DIMT1: variants seen among roughly 807,000 people sequenced by gnomAD.
DIMT1 encodes the protein DIM1 rRNA methyltransferase and ribosome maturation factor, also known as dimethyladenosine transferase.
In DIMT1, 36 loss-of-function variants were observed where a neutral mutation model predicts 43.2. The ratio of observed to expected loss-of-function variants is 0.83; its 90% CI spans 0.64 to 1.10. The LOEUF (loss-of-function observed/expected upper bound fraction) is 1.10, where lower values mean the gene tolerates loss of function less well. DIMT1 is among the 50% of genes least tolerant of loss of function. The probability of loss-of-function intolerance (pLI) is 0.00; values close to 1 mark genes in which losing one functional copy is unlikely to be tolerated. For missense variants in DIMT1, 341 were observed against 385.3 expected, an observed-to-expected ratio of 0.88 and a Z score of 0.96; for synonymous variants, 126 against 130.3, an observed-to-expected ratio of 0.97 and a Z score of 0.22.
At position 62,401,580 on chromosome 5, in the gene DIMT1, CTTTTTTTTTTTT is replaced by C. The variant is rs1156327743; in HGVS notation, c.240+444_240+455del. On this transcript the variant is annotated intron_variant, in intron 3 of 11. Coordinates refer to ENST00000199320, the MANE Select transcript of DIMT1 (RefSeq NM_014473.4). ...CCTCACTGAAATATCTCATATTTTC[CTTTTTTTTTTTT>C]TTTTTTTTTGAGACAGAGTCTCACT... 4.8e-5 allele frequency among the ~76,000 whole-genome samples: 5 copies of C among 104,404 alleles called. 1 individual carries two copies. The highest frequency in any genetic ancestry group is 3.6e-4 in the Admixed American group (3 of 8,448). The allele number at this position is 104,404 out of a possible 152,430, so 68.5% of individuals were successfully genotyped here. A position where few individuals can be genotyped will look rare whatever the true frequency, so the allele number is the denominator to read the frequency against.
At chr5:62,389,278 T>G (rs934235997) in intron 11 of DIMT1, among the ~76,000 whole-genome samples, 5 of 151,742 alleles carry the variant, frequency 3.3e-5, no homozygotes, top group African/African-American at 1.2e-4. Context: ...CTGAGGTCAG[T>G]AGTTCGAGAA....
Position 62,403,702 on chromosome 5 carries a change from C to A in DIMT1, c.71G>T (p.Ser24Ile), listed in dbSNP as rs1337885818. 2 of 1,608,888 alleles carry A rather than the reference C, an allele frequency of 1.2e-6. No individual in the cohort carries two copies. The highest frequency in any genetic ancestry group is 2.2e-5 in the South Asian group (2 of 90,646). Residue 24 changes from serine (S) to isoleucine (I), a missense_variant, in exon 1 of 12, where the codon AGC becomes ATC. Transcript: ENST00000199320. ...GRQEQRRELKSAGGLMFNTGI... is the reference protein window; with the variant it reads ...GRQEQRRELKIAGGLMFNTGI... ...CTCGCGGGGATCCGCACCTCCAGCG[C>A]TCTTCAGCTCCCGGCGCTGCTCCTG...
intron 11 of DIMT1, among the ~76,000 whole-genome samples, chr5:62,389,858 G>A (rs1742219018): frequency 6.6e-6 from 1 of 152,154 alleles, no homozygotes; most frequent in Non-Finnish European, 1.5e-5. Context: ...GAAATTTAGT[G>A]AAAATGAAGA....
At position 62,403,692 on chromosome 5, in the gene DIMT1, A is replaced by G. The variant is rs375000297; in HGVS notation, c.79+2T>C. ...CCCCAGCTTCCTCGCGGGGATCCGC[A>G]CCTCCAGCGCTCTTCAGCTCCCGGC... On this transcript the variant is annotated splice_donor_variant, in intron 1 of 11. Coordinates refer to ENST00000199320, the MANE Select transcript of DIMT1 (RefSeq NM_014473.4). LOFTEE classifies it high-confidence loss of function. 78 of 1,606,986 alleles carry G rather than the reference A, an allele frequency of 4.9e-5. No individual in the cohort carries two copies. The highest frequency in any genetic ancestry group is 5.3e-5 in the Non-Finnish European group (63 of 1,177,626).
chr5:62,396,139 G>GTTTTT (rs758847833), intron 6 of DIMT1, among the ~76,000 whole-genome samples: 18 of 116,748 alleles, frequency 1.5e-4, no homozygotes, highest in South Asian at 7.9e-4. Flanking sequence ...GTCACTGCAG[G>GTTTTT]TTTTTTTTTT....
intron 6 of DIMT1, among the ~76,000 whole-genome samples, chr5:62,397,762 C>T (rs1158452971): frequency 1.3e-5 from 2 of 152,088 alleles, no homozygotes; most frequent in African/African-American, 4.8e-5. Context: ...CATTCTCCTG[C>T]CTCAGCCTCC....
intron 3 of DIMT1, among the ~76,000 whole-genome samples, chr5:62,400,460 C>T (rs152190): frequency 0.19 from 28,589 of 152,028 alleles, 3,291 homozygotes; most frequent in Middle Eastern, 0.26. Context: ...CTATGTTGCC[C>T]GGGCTGGTCT....
At chr5:62,396,953 GTTTTC>G (rs1308563548) in intron 6 of DIMT1, among the ~76,000 whole-genome samples, 1 of 152,044 alleles carries the variant, frequency 6.6e-6, no homozygotes, top group Non-Finnish European at 1.5e-5. Context: ...TCAGGATCTT[GTTTTC>G]TTTTTTGACA....
intron 2 of DIMT1, among the ~76,000 whole-genome samples, 179 bp downstream of exon 2, chr5:62,403,094 C>A (rs919400141): frequency 1.1e-4 from 17 of 152,070 alleles, no homozygotes; most frequent in Non-Finnish European, 1.8e-4. Flanking sequence ...AAACTCAGAC[C>A]CACAAAATGA....
At chr5:62,391,868 A>G (rs906665773) in intron 10 of DIMT1, 32 of 1,518,036 alleles carry the variant, frequency 2.1e-5, no homozygotes, top group South Asian at 3.7e-5. Context: ...CAAGCTACAC[A>G]TATCTACAGC....
rs895323449 is a variant in DIMT1, at chr5:62,393,110, A to G, written c.664-120T>C. The G allele has an allele frequency of 8.9e-6, 5 of 560,574 alleles. No homozygotes were observed. The Admixed American group carries it at 1.1e-4, about 12-fold the overall frequency. 34.7% of individuals were successfully genotyped at this position (560,574 alleles called of 1,614,324 possible). ...GAAGGAAACTTTCTGAAGTGAAGAA[A>G]ATGTTCTGTAATCTTGATCTGGCTG... On this transcript the variant is annotated intron_variant, in intron 8 of 11. Transcript: ENST00000199320.
intron 6 of DIMT1, among the ~76,000 whole-genome samples, chr5:62,396,139 G>GTTTTTTTTTTTTTTTTTTTTTTTAT (rs758847833): frequency 2.6e-5 from 3 of 116,746 alleles, no homozygotes; most frequent in Non-Finnish European, 5.1e-5. Flanking sequence ...GTCACTGCAG[G>GTTTTTTTTTTTTTTTTTTTTTTTAT]TTTTTTTTTT....
At chr5:62,396,994 G>A (rs1171916988) in intron 6 of DIMT1, among the ~76,000 whole-genome samples, 1 of 152,144 alleles carries the variant, frequency 6.6e-6, no homozygotes, top group African/African-American at 2.4e-5. Flanking sequence ...CCAGGCTGGA[G>A]TGTGGAGTGC....
At chr5:62,397,900 G>A (rs1742555078) in intron 6 of DIMT1, among the ~76,000 whole-genome samples, 1 of 152,036 alleles carries the variant, frequency 6.6e-6, no homozygotes, top group Non-Finnish European at 1.5e-5. Context: ...CGCCTGCCTT[G>A]GCCTCCCAAA....
Position 62,398,528 on chromosome 5 carries a change from T to C in DIMT1, c.429A>G (p.Leu143=), listed in dbSNP as rs1742580307. ...ISSPFVFKLL[L]HRPFFRCAIL... ...TCACAAACCTGAAAAAAGGTCGATG[T>C]AGCAACAGCTTGAAGACAAAAGGTG... The change falls in exon 6 of 12, where the codon CTA becomes CTG. Residue 143 remains leucine (L), a synonymous_variant. Coordinates refer to ENST00000199320, the MANE Select transcript of DIMT1 (RefSeq NM_014473.4). 6.2e-7 allele frequency: 1 copy of C among 1,612,742 alleles called. No individual in the cohort carries two copies. The highest frequency in any genetic ancestry group is 1.1e-5 in the South Asian group (1 of 91,046).
rs778039414 is a variant in DIMT1 at position 62,398,888 on chromosome 5, T to C, written c.241-7A>G. Reference sequence around the variant, plus strand: ...CAAGTTCACAAGCAACAACCTAATTTAAAAAAAATAAAAATTATTTAGGTT... The same window carrying C: ...CAAGTTCACAAGCAACAACCTAATTCAAAAAAAATAAAAATTATTTAGGTT... On this transcript the variant is annotated splice_polypyrimidine_tract_variant and splice_region_variant and intron_variant, in intron 3 of 11. Transcript: ENST00000199320. The C allele has an allele frequency of 6.3e-7, 1 of 1,587,094 alleles. No individual in the cohort carries two copies. Among genetic ancestry groups the C allele is most frequent in the Admixed American group, 1.7e-5 (1 of 58,192 alleles).
At chr5:62,395,588 CAA>C (rs75941055) in intron 6 of DIMT1, among the ~76,000 whole-genome samples, 2 of 150,450 alleles carry the variant, frequency 1.3e-5, no homozygotes, top group Non-Finnish European at 3.0e-5. Flanking sequence ...CATGTGATTA[CAA>C]AAAAAAAGAA....
chr5:62,397,606 AT>A (rs1241356239), intron 6 of DIMT1, among the ~76,000 whole-genome samples: 3 of 151,852 alleles, frequency 2.0e-5, no homozygotes, highest in Non-Finnish European at 4.4e-5. Flanking sequence ...AAAATGAGTT[AT>A]CCATTAGTAA....
chr5:62,401,835 C>T (rs1742718120), intron 3 of DIMT1, among the ~76,000 whole-genome samples: 1 of 152,030 alleles, frequency 6.6e-6, no homozygotes, highest in Non-Finnish European at 1.5e-5. Context: ...CCTGCCTCGG[C>T]CTCCCAAAGT....
Sources: gnomAD v4.1 joint callset for allele counts (sites outside exome capture counted in the v4.1 genomes callset) on GRCh38, gnomAD v4.1.1 for gene constraint, MANE v1.5 for transcripts, NCBI Gene and HGNC (gene_info 2026-07-23, HGNC 2026-07-21) for gene names.